TTC27: variants seen among roughly 807,000 people sequenced by gnomAD.
The protein encoded by TTC27 is tetratricopeptide repeat domain 27.
A neutral mutation model predicts 115.9 loss-of-function variants in TTC27; 79 were observed. That is an observed-to-expected ratio of 0.68 (90% CI 0.57 to 0.82). The LOEUF is 0.82. Ranked by LOEUF, TTC27 falls within the 40% of genes least tolerant of loss-of-function variation. TTC27 has a pLI of 0.00. For missense variants in TTC27, 1,054 were observed against 993.1 expected, an observed-to-expected ratio of 1.06 and a Z score of -0.82; for synonymous variants, 401 against 356.0, an observed-to-expected ratio of 1.13 and a Z score of -1.42.
chr2:32,711,218 T>C, intron 10 of TTC27, among the ~76,000 whole-genome samples: 1 of 151,778 alleles, frequency 6.6e-6, no homozygotes, highest in East Asian at 1.9e-4. Flanking sequence ...ATATTTGGGG[T>C]TCGTTCATTT....
intron 10 of TTC27, among the ~76,000 whole-genome samples, chr2:32,725,991 A>G (rs962694193): frequency 3.6e-5 from 3 of 83,864 alleles, no homozygotes; most frequent in Non-Finnish European, 9.3e-5. Flanking sequence ...TTCAAGCTCT[A>G]CATTGGCCTC....
intron 9 of TTC27, among the ~76,000 whole-genome samples, chr2:32,680,299 C>G (rs1182739722): frequency 6.6e-6 from 1 of 152,130 alleles, no homozygotes; most frequent in African/African-American, 2.4e-5. Flanking sequence ...ATGTACTTTT[C>G]ATTTATTCAT....
At chr2:32,696,959 G>A (rs927216859) in intron 9 of TTC27, among the ~76,000 whole-genome samples, 11 of 152,150 alleles carry the variant, frequency 7.2e-5, no homozygotes, top group African/African-American at 2.7e-4. Flanking sequence ...AGCACTTTGG[G>A]AGGCCAAGGT....
chr2:32,734,144 A>G (rs1336904958), intron 11 of TTC27, among the ~76,000 whole-genome samples: 1 of 152,222 alleles, frequency 6.6e-6, no homozygotes, highest in Admixed American at 6.5e-5. Context: ...ATCTTATGAA[A>G]TAGAATCCTA....
chr2:32,645,528 C>T (rs1664819110), intron 4 of TTC27, among the ~76,000 whole-genome samples: 1 of 151,840 alleles, frequency 6.6e-6, no homozygotes, highest in Non-Finnish European at 1.5e-5. Flanking sequence ...TCAATTTTTT[C>T]TTTCTTTGTT....
chr2:32,654,168 A>G (rs965370830), intron 5 of TTC27, among the ~76,000 whole-genome samples: 2 of 152,222 alleles, frequency 1.3e-5, no homozygotes, highest in African/African-American at 4.8e-5. Context: ...CAGCACAATG[A>G]TGTGGCGTTT....
rs35589216 is a variant in TTC27 at position 32,786,127 on chromosome 2, A to AT, written c.1833-845dup. Reference sequence around the variant, plus strand: ...CTCCTCCCTCTCCCCCTTAAAATCAATTTTTTTTTTTTAACATGGAGTCTT... The same window carrying AT: ...CTCCTCCCTCTCCCCCTTAAAATCAATTTTTTTTTTTTTAACATGGAGTCTT... On this transcript the variant is annotated intron_variant, in intron 15 of 19. Coordinates refer to ENST00000317907, the MANE Select transcript of TTC27 (RefSeq NM_017735.5). Among the ~76,000 whole-genome samples, 679 of 148,710 alleles carry AT rather than the reference A, an allele frequency of 4.6e-3. 20 individuals are homozygous for AT. In the East Asian group the frequency reaches 0.085, roughly 19 times the overall value.
At position 32,746,068 on chromosome 2, in the gene TTC27, T is replaced by G. The variant is rs141382894; in HGVS notation, c.1452+9252T>G. Among the ~76,000 whole-genome samples the G allele has an allele frequency of 9.3e-3, 1,417 of 152,336 alleles. 12 individuals are homozygous for G. Among genetic ancestry groups the G allele is most frequent in the Middle Eastern group, 0.024 (7 of 294 alleles). On this transcript the variant is annotated intron_variant, in intron 12 of 19. Coordinates refer to ENST00000317907, the MANE Select transcript of TTC27 (RefSeq NM_017735.5). ...AATAATTAGTTGTGTGGAATTACTA[T>G]AGATTGTTGAAACAGCTTAGATTTG... is the stretch of plus-strand genomic sequence containing the variant.
chr2:32,671,181 G>GT (rs901092030), intron 7 of TTC27, among the ~76,000 whole-genome samples: 32 of 151,906 alleles, frequency 2.1e-4, no homozygotes, highest in African/African-American at 6.8e-4. Flanking sequence ...GGGTTACAAA[G>GT]TTTTTTTTAA....
At chr2:32,701,114 G>A (rs1667170397) in intron 9 of TTC27, among the ~76,000 whole-genome samples, 1 of 151,976 alleles carries the variant, frequency 6.6e-6, no homozygotes, top group Non-Finnish European at 1.5e-5. Flanking sequence ...ATATTTTATG[G>A]GGGCAGGGAT....
chr2:32,791,694 T>C (rs1399371054), intron 16 of TTC27, among the ~76,000 whole-genome samples: 3 of 151,836 alleles, frequency 2.0e-5, no homozygotes, highest in Non-Finnish European at 4.4e-5. Flanking sequence ...CTAACAAAGG[T>C]TTTTAAAAAT....
intron 13 of TTC27, among the ~76,000 whole-genome samples, chr2:32,764,403 C>G (rs562124891): frequency 7.3e-5 from 11 of 151,596 alleles, no homozygotes; most frequent in African/African-American, 2.7e-4. Context: ...TAAAAAAAAA[C>G]AAACAAAAAT....
intron 16 of TTC27, among the ~76,000 whole-genome samples, chr2:32,804,778 C>T (rs1207140481): frequency 6.6e-6 from 1 of 151,508 alleles, no homozygotes; most frequent in Non-Finnish European, 1.5e-5. Flanking sequence ...ATAAAACTTA[C>T]ATATAATAAA....
intron 16 of TTC27, among the ~76,000 whole-genome samples, chr2:32,797,636 A>G (rs1170956752): frequency 2.6e-5 from 4 of 152,202 alleles, no homozygotes; most frequent in Admixed American, 2.6e-4. Context: ...ACTTAAATTT[A>G]ATAGCTACAA....
chr2:32,760,903 C>G (rs1386559203), intron 13 of TTC27, among the ~76,000 whole-genome samples: 1 of 152,190 alleles, frequency 6.6e-6, no homozygotes, highest in Non-Finnish European at 1.5e-5. Context: ...GGCTCCCTTG[C>G]TGGTTCCTAG....
At chr2:32,659,717 C>T (rs1665465585) in intron 5 of TTC27, among the ~76,000 whole-genome samples, 1 of 152,068 alleles carries the variant, frequency 6.6e-6, no homozygotes, top group African/African-American at 2.4e-5. Context: ...TCCCTGTGTC[C>T]ATGTGTTCTC....
chr2:32,797,541 G>GA (rs1670750838), intron 16 of TTC27, among the ~76,000 whole-genome samples: 1 of 152,122 alleles, frequency 6.6e-6, no homozygotes, highest in East Asian at 1.9e-4. Flanking sequence ...ATTGTCCTGG[G>GA]AAAACTGCAT....
In TTC27 at chr2:32,796,971, G is replaced by C. The variant is rs148131643; in HGVS notation, c.1998+9822G>C. Among the ~76,000 whole-genome samples the C allele has an allele frequency of 4.3e-3, 653 of 151,794 alleles. 9 individuals carry two copies. Among genetic ancestry groups the C allele is most frequent in the African/African-American group, 0.015 (633 of 41,376 alleles). ...GCAGATCACCTGAGGTCAGGACTTC[G>C]AGACCAGCCTGGCCAACATGGTGAA... On this transcript the variant is annotated intron_variant, in intron 16 of 19. Coordinates refer to ENST00000317907, the MANE Select transcript of TTC27 (RefSeq NM_017735.5).
At chr2:32,665,211 A>T (rs1464910415) in intron 6 of TTC27, among the ~76,000 whole-genome samples, 1 of 152,072 alleles carries the variant, frequency 6.6e-6, no homozygotes, top group Non-Finnish European at 1.5e-5. Context: ...TTATGAATAA[A>T]TATGATTTTG....
Sources: gnomAD v4.1 joint callset for allele counts (sites outside exome capture counted in the v4.1 genomes callset) on GRCh38, gnomAD v4.1.1 for gene constraint, MANE v1.5 for transcripts, NCBI Gene and HGNC (gene_info 2026-07-23, HGNC 2026-07-21) for gene names.